Variants in BCL7B observed in about 807,000 individuals in gnomAD.
The protein encoded by BCL7B is B-cell CLL/lymphoma 7 protein family member B.
BCL7B carries 11 observed loss-of-function variants against 26.5 expected under a neutral mutation model. That is an observed-to-expected ratio of 0.42 (90% CI 0.26 to 0.69). The LOEUF is 0.69. Among genes scored for constraint, BCL7B ranks in the 30% least tolerant of loss-of-function variants. The pLI is 0.28. For synonymous variants in BCL7B, 111 were observed against 107.9 expected (o/e 1.03, Z -0.18); for missense variants, 215 against 264.4 (o/e 0.81, Z 1.30).
At chr7:73,547,107 G>C (rs1791983552) in intron 2 of BCL7B, among the ~76,000 whole-genome samples, 1 of 151,748 alleles carries the variant, frequency 6.6e-6, no homozygotes, top group Admixed American at 6.6e-5. Flanking sequence ...AGCTGAGATT[G>C]TGCCATTGCA....
intron 4 of BCL7B, among the ~76,000 whole-genome samples, chr7:73,538,834 A>AG (rs1271331197): frequency 2.7e-5 from 4 of 150,864 alleles, no homozygotes; most frequent in African/African-American, 9.8e-5. Flanking sequence ...AAAAAAAAAA[A>AG]AAAAGAAAAG....
intron 1 of BCL7B, among the ~76,000 whole-genome samples, chr7:73,555,298 G>A (rs1322518259): frequency 2.6e-5 from 4 of 151,192 alleles, no homozygotes; most frequent in Non-Finnish European, 2.9e-5. Flanking sequence ...TCAGCTACTC[G>A]GGAGGCTGAG....
At chr7:73,549,342 G>A (rs1470640556) in intron 2 of BCL7B, among the ~76,000 whole-genome samples, 1 of 152,204 alleles carries the variant, frequency 6.6e-6, no homozygotes, top group Non-Finnish European at 1.5e-5. Flanking sequence ...AAAGAAACAA[G>A]ACACACGAAA....
intron 2 of BCL7B, among the ~76,000 whole-genome samples, chr7:73,548,058 C>T (rs1164225763): frequency 6.6e-6 from 1 of 152,024 alleles, no homozygotes; most frequent in East Asian, 1.9e-4. Context: ...GCGGAGGCTG[C>T]AGTGAGCCAA....
chr7:73,554,119 G>A (rs187610958), intron 1 of BCL7B, among the ~76,000 whole-genome samples: 9 of 151,664 alleles, frequency 5.9e-5, no homozygotes, highest in Non-Finnish European at 8.8e-5. Context: ...AGGCCACCAC[G>A]CCCAGTTAAT....
chr7:73,553,413 C>A (rs1327894121), intron 1 of BCL7B: 4 of 152,278 alleles, frequency 2.6e-5, no homozygotes, highest in Non-Finnish European at 5.9e-5. Flanking sequence ...CTGGCTCACA[C>A]CTGTAATCCC....
chr7:73,546,635 T>G (rs1308077725), intron 2 of BCL7B, among the ~76,000 whole-genome samples: 3 of 151,122 alleles, frequency 2.0e-5, no homozygotes, highest in Admixed American at 6.6e-5. Context: ...GCCACTGCAC[T>G]CCAGCCTGGG....
Position 73,557,657 on chromosome 7 carries a change from CCCG to C in BCL7B, c.-82_-80del, listed in dbSNP as rs1242246010. 101 of 852,276 alleles carry C rather than the reference CCCG, an allele frequency of 1.2e-4. No individual in the cohort carries two copies. The highest frequency in any genetic ancestry group is 1.8e-4 in the African/African-American group (10 of 54,978). The allele number at this position is 852,276 out of a possible 1,614,324, so 52.8% of individuals were successfully genotyped here. On this transcript the variant is annotated 5_prime_UTR_variant, in exon 1 of 6. Coordinates refer to ENST00000223368, the MANE Select transcript of BCL7B (RefSeq NM_001707.4). ...CGCGCGCCTCACGCGCCGCCGCCCG[CCCG>C]CCGCCGCCGCAGCGTCACAGCGGCC...
chr7:73,546,700 A>G lies in BCL7B; in HGVS notation c.169-3056T>C, dbSNP rs185067820. Among the ~76,000 whole-genome samples, 75 of 152,230 alleles carry G rather than the reference A, an allele frequency of 4.9e-4. 2 individuals carry two copies. In the East Asian group the frequency reaches 0.014, roughly 29 times the overall value. On this transcript the variant is annotated intron_variant, in intron 2 of 5. Transcript: ENST00000223368. ...AAAAAAGTCGTTTTGAGGAAGAACC[A>G]ATTGAGGCAATTTGTTATGAAAAAT...
rs1791566461 is a variant in BCL7B at position 73,537,219 on chromosome 7, T to C, written c.*79A>G. The C allele has an allele frequency of 6.2e-6, 9 of 1,441,014 alleles. No homozygotes were observed. The highest frequency in any genetic ancestry group is 8.7e-6 in the Non-Finnish European group (9 of 1,031,542). 89.3% of individuals were successfully genotyped at this position (1,441,014 alleles called of 1,614,324 possible). On this transcript the variant is annotated 3_prime_UTR_variant, in exon 6 of 6. Transcript: ENST00000223368. ...GGCTCTTGACCCCAGTGCTTGCCCTTACCCCAGCAACGCGGCGCGGCCAGA... is the reference window on the plus strand; with the variant it reads ...GGCTCTTGACCCCAGTGCTTGCCCTCACCCCAGCAACGCGGCGCGGCCAGA...
chr7:73,547,476 G>T (rs1791997793), intron 2 of BCL7B, among the ~76,000 whole-genome samples: 1 of 151,896 alleles, frequency 6.6e-6, no homozygotes, highest in African/African-American at 2.4e-5. Flanking sequence ...AAAAGGAAAA[G>T]AAATATTACA....
At chr7:73,550,201 G>C (rs1489550882) in intron 2 of BCL7B, among the ~76,000 whole-genome samples, 1 of 152,186 alleles carries the variant, frequency 6.6e-6, no homozygotes, top group Non-Finnish European at 1.5e-5. Context: ...TGCAATGCAT[G>C]AGTCAAAGGT....
chr7:73,550,418 G>A (rs1238969193), intron 2 of BCL7B, among the ~76,000 whole-genome samples: 7 of 151,768 alleles, frequency 4.6e-5, no homozygotes, highest in African/African-American at 9.7e-5. Flanking sequence ...GGTGGCAGGC[G>A]CCTGTAATCC....
Position 73,536,379 on chromosome 7 carries a change from A to T in BCL7B, c.*919T>A, listed in dbSNP as rs1791527794. ...GACATATTTCAAATAGTTTAATTTTAAAAATATTCTATTCAGTGCTAAAAT... is the reference window on the plus strand; with the variant it reads ...GACATATTTCAAATAGTTTAATTTTTAAAATATTCTATTCAGTGCTAAAAT... On this transcript the variant is annotated 3_prime_UTR_variant, in exon 6 of 6. Transcript: ENST00000223368. 6.6e-6 allele frequency: 1 copy of T among 152,296 alleles called. No homozygotes were observed. The highest frequency in any genetic ancestry group is 1.5e-5 in the Non-Finnish European group (1 of 68,012). 9.4% of individuals were successfully genotyped at this position (152,296 alleles called of 1,614,324 possible). A position where few individuals can be genotyped will look rare whatever the true frequency, so the allele number is the denominator to read the frequency against.
At chr7:73,553,091 T>C (rs1312660159) in intron 1 of BCL7B, among the ~76,000 whole-genome samples, 1 of 151,286 alleles carries the variant, frequency 6.6e-6, no homozygotes, top group African/African-American at 2.4e-5. Context: ...CCAGCCAAAT[T>C]TTTATTTTTT....
At chr7:73,551,721 A>C (rs1554584170) in intron 2 of BCL7B, among the ~76,000 whole-genome samples, 1 of 152,200 alleles carries the variant, frequency 6.6e-6, no homozygotes, top group Non-Finnish European at 1.5e-5. Context: ...GAAAATAATA[A>C]AGAGAGGCCT....
At chr7:73,538,535 C>T (rs1000041237) in intron 4 of BCL7B, among the ~76,000 whole-genome samples, 1 of 151,908 alleles carries the variant, frequency 6.6e-6, no homozygotes, top group Non-Finnish European at 1.5e-5. Flanking sequence ...AAACCTGGGT[C>T]GGGCATGGTG....
chr7:73,540,375 A>T, intron 3 of BCL7B: 1 of 228,570 alleles, frequency 4.4e-6, no homozygotes, highest in Admixed American at 4.8e-5. Context: ...ACATCATAAG[A>T]TGTGTAGAAA....
chr7:73,552,592 A>G lies in BCL7B; in HGVS notation c.93-350T>C, dbSNP rs1275473720. 2.6e-5 allele frequency among the ~76,000 whole-genome samples: 4 copies of G among 152,124 alleles called. No homozygotes were observed. In the East Asian group the frequency reaches 7.8e-4, roughly 30 times the overall value. On this transcript the variant is annotated intron_variant, in intron 1 of 5. Transcript: ENST00000223368. ...TCAGGAGTTCGAGACCATCCCGGCC[A>G]ACATGGTGAAACTCTGTCGCTACAA...
Sources: gnomAD v4.1 joint callset for allele counts (sites outside exome capture counted in the v4.1 genomes callset) on GRCh38, gnomAD v4.1.1 for gene constraint, MANE v1.5 for transcripts, NCBI Gene and HGNC (gene_info 2026-07-23, HGNC 2026-07-21) for gene names.